The following NEBL variants were observed in gnomAD, a reference collection of about 807,000 sequenced individuals.
NEBL encodes nebulette.
NEBL carries 122 observed loss-of-function variants against 140.2 expected under a neutral mutation model. The observed-to-expected ratio is 0.87, with a 90% confidence interval of 0.75 to 1.01. The LOEUF is 1.01. Among genes scored for constraint, NEBL ranks in the 50% least tolerant of loss-of-function variants. The pLI, the probability that NEBL is intolerant of heterozygous loss-of-function variation, is 0.00. For missense variants in NEBL, 1,365 were observed against 1,231.3 expected (o/e 1.11, Z -1.62); for synonymous variants, 436 against 398.9 (o/e 1.09, Z -1.11).
intron 2 of NEBL, among the ~76,000 whole-genome samples, chr10:21,154,919 G>C (rs754306940): frequency 6.6e-6 from 1 of 152,168 alleles, no homozygotes; most frequent in African/African-American, 2.4e-5. Flanking sequence ...TCACATCATA[G>C]GCTGGGCGTA....
At chr10:20,939,530 T>C (rs1359003997) in intron 4 of NEBL, among the ~76,000 whole-genome samples, 6 of 152,172 alleles carry the variant, frequency 3.9e-5, no homozygotes, top group African/African-American at 1.2e-4. Context: ...CATCAACTAA[T>C]GAGCAAAATA....
chr10:20,892,886 C>T (rs1198388640), intron 2 of NEBL, among the ~76,000 whole-genome samples: 1 of 152,126 alleles, frequency 6.6e-6, no homozygotes, highest in East Asian at 1.9e-4. Flanking sequence ...TTCAATACAC[C>T]CTGGAAGGAA....
At chr10:20,833,350 C>A (rs148029865) in intron 14 of NEBL, among the ~76,000 whole-genome samples, 139 of 151,982 alleles carry the variant, frequency 9.1e-4, no homozygotes, top group African/African-American at 3.1e-3. Context: ...GATCCATTGA[C>A]TTTATTTGAA....
At chr10:20,898,158 G>A (rs3758599), upstream of NEBL, among the ~76,000 whole-genome samples, 83,829 of 151,826 alleles carry the variant, frequency 0.55, 24,681 homozygotes, top group Non-Finnish European at 0.65. Flanking sequence ...CCTTGGTTAC[G>A]TAAAACCAAG....
intron 4 of NEBL, among the ~76,000 whole-genome samples, chr10:20,881,193 T>C (rs1845982350): frequency 6.6e-6 from 1 of 152,186 alleles, no homozygotes; most frequent in Admixed American, 6.5e-5. Flanking sequence ...AAATCATCCA[T>C]ATCCAAGAGC....
chr10:20,922,392 T>G (rs1252455830), intron 4 of NEBL, among the ~76,000 whole-genome samples: 1 of 152,226 alleles, frequency 6.6e-6, no homozygotes, highest in East Asian at 1.9e-4. Flanking sequence ...TTATCCGGGA[T>G]GTGTACAGTG....
chr10:21,018,369 A>G (rs1267972743), intron 3 of NEBL, among the ~76,000 whole-genome samples: 1 of 152,172 alleles, frequency 6.6e-6, no homozygotes, highest in Non-Finnish European at 1.5e-5. Flanking sequence ...GAAGAAAGGC[A>G]CATTGGATAT....
chr10:21,110,646 C>A, intron 2 of NEBL: 2 of 390,080 alleles, frequency 5.1e-6, no homozygotes, highest in South Asian at 4.0e-5. Flanking sequence ...TATCTCCATC[C>A]ATCTTCTCTC....
chr10:20,930,059 C>T (rs1362942308), intron 4 of NEBL, among the ~76,000 whole-genome samples: 1 of 152,140 alleles, frequency 6.6e-6, no homozygotes, highest in Non-Finnish European at 1.5e-5. Context: ...ACGACTCTCA[C>T]ATTTATGCCT....
intron 3 of NEBL, among the ~76,000 whole-genome samples, chr10:21,239,422 C>T (rs1842406289): frequency 6.6e-6 from 1 of 152,002 alleles, no homozygotes; most frequent in African/African-American, 2.4e-5. Flanking sequence ...AAACAGATAC[C>T]CTGAAATGCT....
intron 3 of NEBL, among the ~76,000 whole-genome samples, chr10:21,200,100 A>T (rs2132225914): frequency 6.6e-6 from 1 of 151,880 alleles, no homozygotes; most frequent in Admixed American, 6.6e-5. Context: ...CTGCAACTTA[A>T]TGGTGTTTCC....
chr10:20,932,247 G>C (rs1282477546), intron 4 of NEBL, among the ~76,000 whole-genome samples: 1 of 152,150 alleles, frequency 6.6e-6, no homozygotes, highest in Non-Finnish European at 1.5e-5. Flanking sequence ...CCTTAAAAAA[G>C]AATGAGTTCA....
chr10:21,205,717 C>T (rs1212768876), intron 3 of NEBL, among the ~76,000 whole-genome samples: 1 of 151,924 alleles, frequency 6.6e-6, no homozygotes, highest in Non-Finnish European at 1.5e-5. Flanking sequence ...TTTATTTTCA[C>T]CTTATATTTA....
chr10:20,896,808 T>C (rs1202047358), intron 2 of NEBL, 150 bp downstream of exon 2: 1 of 778,216 alleles, frequency 1.3e-6, no homozygotes, highest in Non-Finnish European at 2.3e-6. Flanking sequence ...GGGAAATCAC[T>C]GAAAATTTCA....
At chr10:21,154,394 G>A (rs779174529) in intron 2 of NEBL, among the ~76,000 whole-genome samples, 36 of 149,934 alleles carry the variant, frequency 2.4e-4, no homozygotes, top group Non-Finnish European at 3.5e-4. Flanking sequence ...GGGAGGTGGA[G>A]GTTGCAATGA....
chr10:21,255,570 G>A (rs988271701), intron 1 of NEBL, among the ~76,000 whole-genome samples: 1 of 152,164 alleles, frequency 6.6e-6, no homozygotes, highest in Admixed American at 6.5e-5. Context: ...GTGTTCAAGA[G>A]CTGACACGTG....
Position 20,807,999 on chromosome 10 carries a change from C to T in NEBL, c.2761+511G>A, listed in dbSNP as rs1054682375. Among the ~76,000 whole-genome samples, 4 of 151,144 alleles carry T rather than the reference C, an allele frequency of 2.6e-5. No homozygotes were observed. In the East Asian group the frequency reaches 7.7e-4, roughly 29 times the overall value. ...TCTCATTTAAAAAAAAAAAAAAACC[C>T]TCTCATATCCCAAGTATTATGCCCA... is the stretch of plus-strand genomic sequence containing the variant. On this transcript the variant is annotated intron_variant, in intron 26 of 27. Transcript: ENST00000377122.
chr10:20,982,504 A>T (rs1837091724), intron 3 of NEBL, among the ~76,000 whole-genome samples: 1 of 152,248 alleles, frequency 6.6e-6, no homozygotes, highest in South Asian at 2.1e-4. Context: ...TTTTCAGAGG[A>T]GAGAATAATT....
chr10:21,240,393 C>T (rs913722161), intron 3 of NEBL, among the ~76,000 whole-genome samples: 1 of 152,142 alleles, frequency 6.6e-6, no homozygotes, highest in African/African-American at 2.4e-5. Flanking sequence ...CCTGTAATCC[C>T]AGCACTTTGG....
Sources: gnomAD v4.1 joint callset for allele counts (sites outside exome capture counted in the v4.1 genomes callset) on GRCh38, gnomAD v4.1.1 for gene constraint, MANE v1.5 for transcripts, NCBI Gene and HGNC (gene_info 2026-07-23, HGNC 2026-07-21) for gene names.